The following RNF216 variants were observed in gnomAD, a reference collection of about 807,000 sequenced individuals.
RNF216 encodes the protein ring finger protein 216, also known as E3 ubiquitin-protein ligase RNF216.
A neutral mutation model predicts 110.8 loss-of-function variants in RNF216; 72 were observed. The observed-to-expected ratio is 0.65, with a 90% confidence interval of 0.54 to 0.79. RNF216 has a LOEUF of 0.79. Ranked by LOEUF, RNF216 falls within the 30% of genes least tolerant of loss-of-function variation. The probability of loss-of-function intolerance (pLI) is 0.00; values close to 1 mark genes in which losing one functional copy is unlikely to be tolerated. For missense variants in RNF216, 1,342 were observed against 1,141.2 expected, an observed-to-expected ratio of 1.18 and a Z score of -2.54; for synonymous variants, 495 against 407.5, an observed-to-expected ratio of 1.21 and a Z score of -2.59.
chr7:5,756,496 G>A (rs1795650797), intron 2 of RNF216, among the ~76,000 whole-genome samples: 2 of 152,184 alleles, frequency 1.3e-5, no homozygotes, highest in Admixed American at 6.5e-5. Context: ...CTGGGTTCAA[G>A]CGATTCTCAG....
intron 10 of RNF216, 151 bp from the exon 11 acceptor site, chr7:5,715,341 C>T (rs374763668): frequency 8.0e-5 from 55 of 686,686 alleles, no homozygotes; most frequent in African/African-American, 7.5e-4. Flanking sequence ...TATGCTGTTT[C>T]GTGCTATATA....
intron 13 of RNF216, among the ~76,000 whole-genome samples, chr7:5,688,638 G>A (rs758262465): frequency 6.6e-5 from 10 of 152,152 alleles, no homozygotes; most frequent in Non-Finnish European, 1.3e-4. Flanking sequence ...TGAGCAGAAG[G>A]CTCACTCTGC....
chr7:5,723,512 T>G (rs1793568269), intron 8 of RNF216, among the ~76,000 whole-genome samples: 1 of 151,858 alleles, frequency 6.6e-6, no homozygotes, highest in South Asian at 2.1e-4. Flanking sequence ...CCGGACTCGG[T>G]GGCGGGCACC....
chr7:5,711,906 G>A lies in RNF216; in HGVS notation c.1983-67C>T, dbSNP rs142506609. On this transcript the variant is annotated intron_variant, in intron 12 of 16. Transcript: ENST00000389902. Reference sequence around the variant, plus strand: ...AAGCCTGATCTGGTTCCAGCTCCATGTGGCTGTTCATATGAAGATGGAGTT... The same window carrying A: ...AAGCCTGATCTGGTTCCAGCTCCATATGGCTGTTCATATGAAGATGGAGTT... 3.2e-3 allele frequency: 4,484 copies of A among 1,395,600 alleles called. 15 individuals are homozygous for A. Among genetic ancestry groups the A allele is most frequent in the Non-Finnish European group, 4.1e-3 (4,060 of 991,992 alleles). 86.5% of individuals were successfully genotyped at this position (1,395,600 alleles called of 1,614,324 possible).
intron 13 of RNF216, among the ~76,000 whole-genome samples, chr7:5,661,264 T>C (rs118058903): frequency 8.5e-5 from 13 of 152,200 alleles, no homozygotes; most frequent in East Asian, 5.8e-4. Context: ...TTCGAAGGGA[T>C]TGGGTCTCAC....
At position 5,739,247 on chromosome 7, in the gene RNF216, C is replaced by G. The variant is rs758648109; in HGVS notation, c.1121+29G>C. ...ATATATTTTACCACCACCACCACCA[C>G]CACAAAAAAAGCATGGTAGTATACT... On this transcript the variant is annotated intron_variant, in intron 5 of 16. Transcript: ENST00000389902. 3.3e-6 allele frequency: 5 copies of G among 1,511,170 alleles called. No homozygotes were observed. The East Asian group carries it at 7.0e-5, about 21-fold the overall frequency. The allele number at this position is 1,511,170 out of a possible 1,614,324, so 93.6% of individuals were successfully genotyped here.
chr7:5,642,983 G>A (rs913583121), intron 14 of RNF216, among the ~76,000 whole-genome samples: 1 of 152,066 alleles, frequency 6.6e-6, no homozygotes, highest in Non-Finnish European at 1.5e-5. Context: ...AAGAATTAAG[G>A]TTACAGTCTT....
intron 13 of RNF216, among the ~76,000 whole-genome samples, chr7:5,658,488 C>T (rs1445254596): frequency 6.6e-6 from 1 of 151,764 alleles, no homozygotes; most frequent in East Asian, 1.9e-4. Context: ...GAGACCCCAT[C>T]TCTACAAAAA....
intron 13 of RNF216, among the ~76,000 whole-genome samples, chr7:5,677,503 C>T (rs1208189173): frequency 1.3e-5 from 2 of 152,196 alleles, no homozygotes; most frequent in African/African-American, 4.8e-5. Context: ...TATCGAAAGG[C>T]CACTTATATG....
chr7:5,759,401 A>G (rs1291444068), intron 2 of RNF216, among the ~76,000 whole-genome samples: 1 of 152,192 alleles, frequency 6.6e-6, no homozygotes, highest in African/African-American at 2.4e-5. Context: ...GATGATGAAG[A>G]TGAAGACCTT....
chr7:5,751,376 T>A (rs1795319691), intron 3 of RNF216, among the ~76,000 whole-genome samples: 1 of 152,160 alleles, frequency 6.6e-6, no homozygotes, highest in African/African-American at 2.4e-5. Context: ...TGTTTTGGAC[T>A]AAGTGTGTGC....
rs1456456664 is a variant in RNF216 at position 5,680,065 on chromosome 7, T to TATTA, written c.2062-27556_2062-27555insTAAT. Among the ~76,000 whole-genome samples, 12 of 152,320 alleles carry TATTA rather than the reference T, an allele frequency of 7.9e-5. No homozygotes were observed. In the East Asian group the frequency reaches 1.5e-3, roughly 20 times the overall value. ...CTGATCATTTCACTACCCTGTTTAA[T>TATTA]GACCATGGATAGACTTCCTGCTGCA... On this transcript the variant is annotated intron_variant, in intron 13 of 16. Transcript: ENST00000389902. The surrounding 1 kb of genome is among the most constrained non-coding windows in gnomAD (Gnocchi z 4.3).
chr7:5,747,544 C>T (rs1006264419), intron 3 of RNF216, among the ~76,000 whole-genome samples: 1 of 151,798 alleles, frequency 6.6e-6, no homozygotes, highest in African/African-American at 2.4e-5. Context: ...AAATAGATGC[C>T]CCTTTATAAA....
At chr7:5,682,937 TACATTTCCAACTCA>T (rs1271837251) in intron 13 of RNF216, among the ~76,000 whole-genome samples, 1 of 152,188 alleles carries the variant, frequency 6.6e-6, no homozygotes, top group Non-Finnish European at 1.5e-5. Flanking sequence ...AAAAAAATTC[TACATTTCCAACTCA>T]GGAGCAAGCA....
At chr7:5,703,503 A>T (rs1792102003) in intron 13 of RNF216, among the ~76,000 whole-genome samples, 1 of 152,254 alleles carries the variant, frequency 6.6e-6, no homozygotes, top group African/African-American at 2.4e-5. Flanking sequence ...TTTAACCAAC[A>T]AACTGGTTCA....
chr7:5,769,840 C>T (rs1162543385), intron 1 of RNF216, among the ~76,000 whole-genome samples: 2 of 150,530 alleles, frequency 1.3e-5, no homozygotes, highest in Non-Finnish European at 3.0e-5. Flanking sequence ...AGTTTGAGAC[C>T]AGCCTGGCCA....
intron 9 of RNF216, among the ~76,000 whole-genome samples, chr7:5,718,319 T>C (rs945573538): frequency 6.6e-6 from 1 of 152,030 alleles, no homozygotes; most frequent in Non-Finnish European, 1.5e-5. Context: ...AGTCAGACGT[T>C]GCAGTGAGCC....
intron 15 of RNF216, among the ~76,000 whole-genome samples, chr7:5,629,627 G>C (rs575236407): frequency 9.9e-5 from 15 of 152,192 alleles, no homozygotes; most frequent in Non-Finnish European, 1.9e-4. Flanking sequence ...AGGAGTTTGA[G>C]ACAGGCCTGG....
chr7:5,767,215 G>C (rs1352949814), intron 1 of RNF216, among the ~76,000 whole-genome samples: 4 of 152,186 alleles, frequency 2.6e-5, no homozygotes, highest in Admixed American at 6.5e-5. Flanking sequence ...AAAACCAGCT[G>C]GCAGGATTTC....
Sources: gnomAD v4.1 joint callset for allele counts (sites outside exome capture counted in the v4.1 genomes callset) on GRCh38, gnomAD v4.1.1 for gene constraint, Gnocchi (gnomAD v3.1) non-coding constraint, MANE v1.5 for transcripts, NCBI Gene and HGNC (gene_info 2026-07-23, HGNC 2026-07-21) for gene names.